The following CD163L1 variants were observed in gnomAD, a reference collection of about 807,000 sequenced individuals.
The protein encoded by CD163L1 is scavenger receptor cysteine-rich type 1 protein M160.
Under a neutral mutation model 165.4 loss-of-function variants are expected in CD163L1, and 124 were observed. The ratio of observed to expected loss-of-function variants is 0.75; its 90% CI spans 0.65 to 0.87. The LOEUF is 0.87. Among genes scored for constraint, CD163L1 ranks in the 40% least tolerant of loss-of-function variants. The probability of loss-of-function intolerance (pLI) is 0.00; values close to 1 mark genes in which losing one functional copy is unlikely to be tolerated. For synonymous variants in CD163L1, 585 were observed against 662.2 expected (o/e 0.88, Z 1.79); for missense variants, 1,525 against 1,799.9 (o/e 0.85, Z 2.76).
intron 4 of CD163L1, among the ~76,000 whole-genome samples, chr12:7,429,893 T>G (rs1004935763): frequency 9.2e-5 from 14 of 152,146 alleles, no homozygotes; most frequent in Admixed American, 1.3e-4. Context: ...CCTATTAAAA[T>G]AAAGTCTAAA....
At chr12:7,399,309 CTTTT>C (rs1479459505) in intron 6 of CD163L1, among the ~76,000 whole-genome samples, 3 of 143,298 alleles carry the variant, frequency 2.1e-5, no homozygotes, top group Non-Finnish European at 4.5e-5. Flanking sequence ...TCCTTTCTTT[CTTTT>C]CTTTCTTCTC....
chr12:7,371,252 T>G (rs1209099238), intron 14 of CD163L1, among the ~76,000 whole-genome samples: 1 of 152,218 alleles, frequency 6.6e-6, no homozygotes, highest in Non-Finnish European at 1.5e-5. Flanking sequence ...TAATACATTC[T>G]TTCATCCTTT....
In CD163L1 at chr12:7,400,695, T is replaced by G. The variant is rs1947898974; in HGVS notation, c.1409-2111A>C. Among the ~76,000 whole-genome samples the G allele has an allele frequency of 6.6e-6, 1 of 152,174 alleles. No individual in the cohort carries two copies. The highest frequency in any genetic ancestry group is 1.5e-5 in the Non-Finnish European group (1 of 68,038). On this transcript the variant is annotated intron_variant, in intron 6 of 19. Transcript: ENST00000313599. The surrounding 1 kb of genome is among the most constrained non-coding windows in gnomAD (Gnocchi z 4.1). ...ACCATGCCCAACCAATTCATAGGTT[T>G]AATATTACCTTAAAAACAATTCCAA... is the stretch of plus-strand genomic sequence containing the variant.
chr12:7,328,219 C>T, the CD163L1 span: 2 of 1,251,168 alleles, frequency 1.6e-6, no homozygotes, highest in Non-Finnish European at 2.2e-6. Context: ...ATGCAAGCTC[C>T]TTCCTATCGC....
At chr12:7,320,872 T>C in the CD163L1 span, 2 of 1,345,392 alleles carry the variant, frequency 1.5e-6, no homozygotes, top group Non-Finnish European at 2.1e-6. Flanking sequence ...AGATCTCTCT[T>C]TTTCAGCATA....
chr12:7,430,518 G>C (rs1441655844), intron 4 of CD163L1, among the ~76,000 whole-genome samples: 2 of 152,154 alleles, frequency 1.3e-5, no homozygotes, highest in African/African-American at 2.4e-5. Flanking sequence ...ACATAAACAT[G>C]TATAGATCAC....
At position 7,441,218 on chromosome 12, in the gene CD163L1, G is replaced by T. The variant is rs771003010; in HGVS notation, c.60C>A (p.Asn20Lys). ...IDFGRCCCHQ[N>K]LFSAVVTCIL... ...TGCAAGTTACCACAGCAGAGAAAAG[G>T]TTCTGATGACAGCAGCATCTTCCAA... is the stretch of plus-strand genomic sequence containing the variant. Residue 20 changes from asparagine (N) to lysine (K), a missense_variant, in exon 2 of 20, where the codon AAC becomes AAA. Asn to Lys is a moderately conservative substitution (Grantham distance 94). Transcript: ENST00000313599. The T allele has an allele frequency of 4.3e-6, 7 of 1,613,974 alleles. No individual in the cohort carries two copies. The highest frequency in any genetic ancestry group is 1.6e-4 in the Middle Eastern group (1 of 6,084).
the CD163L1 span, among the ~76,000 whole-genome samples, chr12:7,325,110 C>T: frequency 1.3e-5 from 2 of 152,336 alleles, no homozygotes; most frequent in Non-Finnish European, 2.9e-5. Flanking sequence ...CCTTAGATCA[C>T]ATCTCTAACC....
At position 7,421,486 on chromosome 12, in the gene CD163L1, T is replaced by C. The variant is rs1306389998; in HGVS notation, c.766+10930A>G. On this transcript the variant is annotated intron_variant, in intron 4 of 19. Transcript: ENST00000313599. ...ATACATATATATACATATATGTACA[T>C]ATATACATATATGTACATATACATA... 2.9e-5 allele frequency among the ~76,000 whole-genome samples: 3 copies of C among 105,036 alleles called. No individual in the cohort carries two copies. The South Asian group carries it at 9.4e-4, about 33-fold the overall frequency. 68.9% of individuals were successfully genotyped at this position (105,036 alleles called of 152,430 possible).
chr12:7,421,095 A>ACGTATATATC (rs1555202111), intron 4 of CD163L1, among the ~76,000 whole-genome samples: 1 of 109,660 alleles, frequency 9.1e-6, no homozygotes, highest in African/African-American at 4.4e-5. Flanking sequence ...ACGTATATAT[A>ACGTATATATC]TGTATATATA....
intron 1 of CD163L1, among the ~76,000 whole-genome samples, chr12:7,443,103 T>C (rs1183076928): frequency 5.9e-5 from 9 of 152,208 alleles, no homozygotes; most frequent in Admixed American, 5.9e-4. Flanking sequence ...TGTAATTCAT[T>C]AAGATGAGCC....
downstream of CD163L1, among the ~76,000 whole-genome samples, chr12:7,344,943 C>T (rs1946659480): frequency 6.6e-6 from 1 of 152,196 alleles, no homozygotes; most frequent in South Asian, 2.1e-4. Context: ...GGGCCTGGCC[C>T]CTGAAACCAT....
chr12:7,430,420 A>T (rs190962308), intron 4 of CD163L1, among the ~76,000 whole-genome samples: 2 of 152,298 alleles, frequency 1.3e-5, no homozygotes, highest in Admixed American at 1.3e-4. Flanking sequence ...AATGATAGGA[A>T]TTGGATTTTA....
At position 7,398,940 on chromosome 12, in the gene CD163L1, G is replaced by A. The variant is rs1947841307; in HGVS notation, c.1409-356C>T. Among the ~76,000 whole-genome samples the A allele has an allele frequency of 6.6e-6, 1 of 152,160 alleles. No individual in the cohort carries two copies. ...GAGATAGCACTGGCAGGTTTCTGCA[G>A]TGGAGTCCAGCATTAGCACCAAAGC... is the stretch of plus-strand genomic sequence containing the variant. On this transcript the variant is annotated intron_variant, in intron 6 of 19. Coordinates refer to ENST00000313599, the MANE Select transcript of CD163L1 (RefSeq NM_174941.6). The surrounding 1 kb of genome is among the most constrained non-coding windows in gnomAD (Gnocchi z 4.5).
At chr12:7,345,816 C>T (rs1335242359), downstream of CD163L1, among the ~76,000 whole-genome samples, 1 of 152,116 alleles carries the variant, frequency 6.6e-6, no homozygotes, top group Non-Finnish European at 1.5e-5. Flanking sequence ...TCTGATGACG[C>T]CTCAGGAAGC....
At chr12:7,355,817 A>G (rs1489417945) in intron 19 of CD163L1, among the ~76,000 whole-genome samples, 2 of 152,142 alleles carry the variant, frequency 1.3e-5, no homozygotes, top group Non-Finnish European at 2.9e-5. Context: ...TAACAAGAAG[A>G]TGACTGCCTG....
chr12:7,364,963 G>A (rs1207027504), intron 18 of CD163L1, among the ~76,000 whole-genome samples: 1 of 151,992 alleles, frequency 6.6e-6, no homozygotes, highest in East Asian at 1.9e-4. Context: ...GCCCCCAATA[G>A]CCAAAGCTAT....
At chr12:7,427,189 G>C (rs2136616678) in intron 4 of CD163L1, among the ~76,000 whole-genome samples, 2 of 152,134 alleles carry the variant, frequency 1.3e-5, no homozygotes, top group Middle Eastern at 6.8e-3. Flanking sequence ...CAACACTATA[G>C]ACTAAAGGAA....
chr12:7,394,106 CA>C (rs1190275732), intron 8 of CD163L1, among the ~76,000 whole-genome samples: 2 of 144,260 alleles, frequency 1.4e-5, no homozygotes, highest in African/African-American at 5.5e-5. Flanking sequence ...AAAACAAAAA[CA>C]AAAAAACAAA....
Sources: gnomAD v4.1 joint callset for allele counts (sites outside exome capture counted in the v4.1 genomes callset) on GRCh38, gnomAD v4.1.1 for gene constraint, Gnocchi (gnomAD v3.1) non-coding constraint, MANE v1.5 for transcripts, NCBI Gene and HGNC (gene_info 2026-07-23, HGNC 2026-07-21) for gene names.